The following LARP4B variants were observed in gnomAD, a reference collection of about 807,000 sequenced individuals.
LARP4B encodes La ribonucleoprotein 4B.
A neutral mutation model predicts 89.8 loss-of-function variants in LARP4B; 12 were observed. The observed-to-expected ratio is 0.13, with a 90% CI of 0.09 to 0.22. The LOEUF is 0.22. Among genes scored for constraint, LARP4B ranks in the 10% least tolerant of loss-of-function variants. The pLI is 1.00. For synonymous variants in LARP4B, 367 were observed against 363.3 expected (o/e 1.01, Z -0.12); for missense variants, 757 against 947.7 (o/e 0.80, Z 2.64).
intron 1 of LARP4B, among the ~76,000 whole-genome samples, chr10:926,542 T>G (rs1039027396): frequency 6.6e-6 from 1 of 152,068 alleles, no homozygotes; most frequent in African/African-American, 2.4e-5. Context: ...TCCTGATGAG[T>G]TTCTGAAAAG....
the LARP4B span, among the ~76,000 whole-genome samples, chr10:976,260 T>G: frequency 5.5e-5 from 7 of 126,212 alleles, no homozygotes; most frequent in South Asian, 2.7e-4. Context: ...CCTAGTAGAA[T>G]GTAAGCCTGT....
intron 1 of LARP4B, among the ~76,000 whole-genome samples, chr10:888,851 TA>T (rs1259650325): frequency 1.3e-5 from 2 of 152,130 alleles, no homozygotes; most frequent in East Asian, 3.8e-4. Context: ...TTTGGGAGGC[TA>T]AGGCAAGCAG....
chr10:902,347 G>A (rs1233116340), intron 1 of LARP4B, among the ~76,000 whole-genome samples: 2 of 152,116 alleles, frequency 1.3e-5, no homozygotes, highest in African/African-American at 2.4e-5. Flanking sequence ...CATGGCCCTC[G>A]GAGTACCACT....
chr10:925,643 C>T lies in LARP4B; in HGVS notation c.-40+5785G>A, dbSNP rs566986122. On this transcript the variant is annotated intron_variant, in intron 1 of 17. Transcript: ENST00000316157. ...CTGCCTCCCGGGTTTAAGCAATTCT[C>T]CCGCCTCAGCCTCCCAAGTAGCTGG... is the stretch of plus-strand genomic sequence containing the variant. Among the ~76,000 whole-genome samples the T allele has an allele frequency of 1.1e-4, 16 of 152,226 alleles. No homozygotes were observed. The South Asian group carries it at 1.7e-3, about 16-fold the overall frequency.
At chr10:946,448 G>C in the LARP4B span, among the ~76,000 whole-genome samples, 1 of 152,198 alleles carries the variant, frequency 6.6e-6, no homozygotes, top group African/African-American at 2.4e-5. Context: ...TTATCCAAAA[G>C]GATGTAGAAA....
Position 817,859 on chromosome 10 carries a change from T to G in LARP4B, c.1561A>C (p.Lys521Gln). ...SSQTQSPTPP[K>Q]PPSPSFELGL... Reference sequence around the variant, plus strand: ...AGCTCGAAGCTTGGCGACGGAGGCTTTGGTGGCGTTGGAGACTGTGTCTGG... The same window carrying G: ...AGCTCGAAGCTTGGCGACGGAGGCTGTGGTGGCGTTGGAGACTGTGTCTGG... The change falls in exon 15 of 18, where the codon AAG becomes CAG. Residue 521 changes from lysine (K) to glutamine (Q), a missense_variant. Physicochemically the swap from Lys to Gln is moderately conservative, Grantham distance 53. This residue lies in a region of LARP4B where 387 missense variants were observed against 423.6 expected (regional missense o/e 0.91). Transcript: ENST00000316157. 1 of 1,614,042 alleles carries G rather than the reference T, an allele frequency of 6.2e-7. No individual in the cohort carries two copies.
At chr10:857,639 G>A (rs570634370) in intron 5 of LARP4B, among the ~76,000 whole-genome samples, 2 of 152,224 alleles carry the variant, frequency 1.3e-5, no homozygotes, top group Admixed American at 6.5e-5. Flanking sequence ...TCAAGCGCTC[G>A]GGAGTTTGTC....
chr10:920,148 G>A (rs972239164), intron 1 of LARP4B, among the ~76,000 whole-genome samples: 6 of 152,132 alleles, frequency 3.9e-5, no homozygotes, highest in South Asian at 2.1e-4. Context: ...CGGAGGGTGC[G>A]CCTTAACAGC....
At chr10:951,584 A>C in the LARP4B span, among the ~76,000 whole-genome samples, 747 of 152,306 alleles carry the variant, frequency 4.9e-3, 5 homozygotes, top group African/African-American at 0.017. Context: ...GCTGAATTAA[A>C]AACAATGTCC....
At chr10:866,476 A>T (rs1834901372) in intron 3 of LARP4B, among the ~76,000 whole-genome samples, 1 of 152,206 alleles carries the variant, frequency 6.6e-6, no homozygotes, top group South Asian at 2.1e-4. Context: ...GAGCTCATGG[A>T]GCTACATGAG....
At chr10:954,528 C>T in the LARP4B span, among the ~76,000 whole-genome samples, 4 of 152,016 alleles carry the variant, frequency 2.6e-5, no homozygotes, top group East Asian at 1.9e-4. This position sits in a 1 kb window ranked among gnomAD's most constrained non-coding sequence, Gnocchi z 5.0. Context: ...AGTTGGGCCC[C>T]GTGGAATGGG....
At chr10:891,569 G>A (rs1836020578) in intron 1 of LARP4B, among the ~76,000 whole-genome samples, 1 of 152,100 alleles carries the variant, frequency 6.6e-6, no homozygotes, top group Non-Finnish European at 1.5e-5. Flanking sequence ...GAGACCCTGA[G>A]GTTCATCGTT....
intron 6 of LARP4B, 84 bp from the exon 7 acceptor site, chr10:843,152 G>GT (rs1833605554): frequency 4.2e-6 from 5 of 1,195,564 alleles, no homozygotes; most frequent in African/African-American, 1.5e-5. Flanking sequence ...CACAAGAGGC[G>GT]TGAGTGTGGC....
chr10:913,902 G>T (rs1446502211), intron 1 of LARP4B, among the ~76,000 whole-genome samples: 2 of 151,618 alleles, frequency 1.3e-5, no homozygotes, highest in African/African-American at 4.8e-5. Flanking sequence ...CAGTAAGGCT[G>T]GGTCTCAAAA....
intron 1 of LARP4B, among the ~76,000 whole-genome samples, chr10:910,931 C>G (rs1460102120): frequency 2.0e-5 from 3 of 152,168 alleles, no homozygotes; most frequent in Non-Finnish European, 4.4e-5. Flanking sequence ...CGTCCCCTGG[C>G]AGTTAGGGAC....
Position 846,461 on chromosome 10 carries a change from G to A in LARP4B, c.431-1406C>T, listed in dbSNP as rs1423128196. Among the ~76,000 whole-genome samples, 3 of 152,132 alleles carry A rather than the reference G, an allele frequency of 2.0e-5. No homozygotes were observed. The East Asian group carries it at 5.8e-4, about 29-fold the overall frequency. On this transcript the variant is annotated intron_variant, in intron 5 of 17. Coordinates refer to ENST00000316157, the MANE Select transcript of LARP4B (RefSeq NM_015155.3). ...TGGGGCACACAGGAAGGTGGGAAGT[G>A]TGTTCTAAATGGGGAGCCTCAAGCA...
chr10:819,747 C>T (rs551808158), intron 14 of LARP4B: 1 of 152,334 alleles, frequency 6.6e-6, no homozygotes, highest in East Asian at 1.9e-4. Context: ...GTAAAAACTG[C>T]CTTACCAACT....
In LARP4B at chr10:825,334, T is replaced by G. The variant is rs1237041726; in HGVS notation, c.1233-18A>C. 1 of 1,610,992 alleles carries G rather than the reference T, an allele frequency of 6.2e-7. No homozygotes were observed. The highest frequency in any genetic ancestry group is 8.5e-7 in the Non-Finnish European group (1 of 1,178,270). ...TAGGATTCCTGTAAATAAAAATGGT[T>G]TTATGTGTTGAGTTATAAAATGATC... On this transcript the variant is annotated intron_variant, in intron 12 of 17. Coordinates refer to ENST00000316157, the MANE Select transcript of LARP4B (RefSeq NM_015155.3).
chr10:829,757 A>C, intron 9 of LARP4B, 23 bp from the exon 10 acceptor site: 2 of 1,581,738 alleles, frequency 1.3e-6, no homozygotes, highest in Non-Finnish European at 1.7e-6. Flanking sequence ...TTAAGTACAA[A>C]ATTCCATTCG....
Sources: gnomAD v4.1 joint callset for allele counts (sites outside exome capture counted in the v4.1 genomes callset) on GRCh38, gnomAD v4.1.1 for gene constraint, gnomAD v4.1.1 regional missense constraint, Gnocchi (gnomAD v3.1) non-coding constraint, MANE v1.5 for transcripts, NCBI Gene and HGNC (gene_info 2026-07-23, HGNC 2026-07-21) for gene names.